ARHGAP15: variants seen among roughly 807,000 people sequenced by gnomAD.
ARHGAP15 encodes the protein Rho GTPase activating protein 15, also known as rho GTPase-activating protein 15.
Under a neutral mutation model 63.7 loss-of-function variants are expected in ARHGAP15, and 51 were observed. The ratio of observed to expected loss-of-function variants is 0.80; its 90% CI spans 0.64 to 1.01. ARHGAP15 has a LOEUF of 1.01. ARHGAP15 is among the 50% of genes least tolerant of loss of function. The pLI is 0.00. For missense variants in ARHGAP15, 560 were observed against 564.6 expected (o/e 0.99, Z 0.08); for synonymous variants, 191 against 193.8 (o/e 0.99, Z 0.12).
chr2:143,187,868 A>G (rs1234588512), intron 2 of ARHGAP15, among the ~76,000 whole-genome samples: 1 of 152,132 alleles, frequency 6.6e-6, no homozygotes, highest in Non-Finnish European at 1.5e-5. Flanking sequence ...TTGAAGAAAA[A>G]GTTTCTTTTT....
At chr2:143,702,944 C>T (rs1458139837) in intron 12 of ARHGAP15, among the ~76,000 whole-genome samples, 2 of 152,164 alleles carry the variant, frequency 1.3e-5, no homozygotes, top group East Asian at 1.9e-4. Context: ...TGCAAAGTCC[C>T]TTTTGCCATG....
chr2:143,436,818 A>G, intron 7 of ARHGAP15, 95 bp from the exon 8 acceptor site: 1 of 1,337,916 alleles, frequency 7.5e-7, no homozygotes. Flanking sequence ...CCTTACTTCA[A>G]ATTTCCCCAT....
intron 12 of ARHGAP15, among the ~76,000 whole-genome samples, chr2:143,659,133 A>G (rs1326028629): frequency 1.3e-5 from 2 of 152,170 alleles, no homozygotes; most frequent in Non-Finnish European, 2.9e-5. Context: ...CTACTCTTCC[A>G]TATATGTTCC....
At chr2:143,200,840 T>C (rs1692084232) in intron 2 of ARHGAP15, among the ~76,000 whole-genome samples, 1 of 152,092 alleles carries the variant, frequency 6.6e-6, no homozygotes. Flanking sequence ...AGAGACTTAA[T>C]AGAATGTTGA....
intron 2 of ARHGAP15, among the ~76,000 whole-genome samples, chr2:143,157,608 A>C (rs1186970074): frequency 1.3e-5 from 2 of 151,716 alleles, no homozygotes; most frequent in Non-Finnish European, 2.9e-5. Flanking sequence ...ATTATATAAA[A>C]GGGGTATTTT....
chr2:143,767,328 T>G (rs183744937), intron 13 of ARHGAP15, among the ~76,000 whole-genome samples: 22 of 152,332 alleles, frequency 1.4e-4, no homozygotes, highest in African/African-American at 4.1e-4. Flanking sequence ...CAGCTCTCCA[T>G]AGGGTCCTCA....
At chr2:143,680,095 T>C (rs1683033586) in intron 12 of ARHGAP15, among the ~76,000 whole-genome samples, 1 of 141,776 alleles carries the variant, frequency 7.1e-6, no homozygotes, top group Admixed American at 7.0e-5. Flanking sequence ...CATGGAGGAA[T>C]AGTTAAATCA....
intron 11 of ARHGAP15, among the ~76,000 whole-genome samples, chr2:143,609,424 C>G (rs1036231370): frequency 6.6e-6 from 1 of 152,120 alleles, no homozygotes; most frequent in African/African-American, 2.4e-5. Context: ...GTTCCTTTAA[C>G]ATAGAGAGCA....
chr2:143,359,340 T>C (rs1685943507), intron 6 of ARHGAP15, among the ~76,000 whole-genome samples: 1 of 152,180 alleles, frequency 6.6e-6, no homozygotes, highest in African/African-American at 2.4e-5. Context: ...ATGCTACCAA[T>C]ACCCTATTTG....
intron 6 of ARHGAP15, among the ~76,000 whole-genome samples, chr2:143,377,062 C>T (rs950348017): frequency 4.6e-5 from 7 of 151,992 alleles, no homozygotes; most frequent in African/African-American, 1.4e-4. Flanking sequence ...TTTTGGATTT[C>T]GTTTACAAAT....
chr2:143,434,442 G>T (rs953649652), intron 6 of ARHGAP15, among the ~76,000 whole-genome samples: 2 of 152,044 alleles, frequency 1.3e-5, no homozygotes, highest in African/African-American at 4.8e-5. Flanking sequence ...ATGTTGCCAT[G>T]AGAATCCTTG....
chr2:143,511,225 T>C (rs1309501384), intron 9 of ARHGAP15, among the ~76,000 whole-genome samples: 3 of 152,216 alleles, frequency 2.0e-5, no homozygotes, highest in Non-Finnish European at 2.9e-5. Flanking sequence ...AACAACATGA[T>C]TTATAAGGGC....
intron 12 of ARHGAP15, among the ~76,000 whole-genome samples, chr2:143,685,755 A>AGAT (rs540908696): frequency 8.5e-4 from 129 of 152,322 alleles, no homozygotes; most frequent in Non-Finnish European, 1.6e-3. Context: ...CCTGTGATAA[A>AGAT]GATGGCCATT....
At chr2:143,166,912 T>C (rs1265924369) in intron 2 of ARHGAP15, among the ~76,000 whole-genome samples, 2 of 152,132 alleles carry the variant, frequency 1.3e-5, no homozygotes, top group African/African-American at 4.8e-5. Context: ...GTTAGATTTA[T>C]AATGCCTCTT....
intron 9 of ARHGAP15, among the ~76,000 whole-genome samples, chr2:143,490,893 G>A (rs577088368): frequency 5.3e-5 from 8 of 152,224 alleles, no homozygotes; most frequent in Non-Finnish European, 7.3e-5. Context: ...CTCCCAAAGC[G>A]CTGGAATTAC....
chr2:143,352,971 A>G (rs983940393), intron 6 of ARHGAP15, among the ~76,000 whole-genome samples: 1 of 152,224 alleles, frequency 6.6e-6, no homozygotes, highest in Non-Finnish European at 1.5e-5. Context: ...TACTTTAATA[A>G]GTACATGAAA....
intron 6 of ARHGAP15, among the ~76,000 whole-genome samples, chr2:143,290,503 ATCT>A (rs1023277753): frequency 7.0e-4 from 106 of 152,294 alleles, no homozygotes; most frequent in African/African-American, 2.5e-3. Flanking sequence ...ATATTGCCAA[ATCT>A]TCTGGTCTTC....
Position 143,174,988 on chromosome 2 carries a change from CT to C in ARHGAP15, c.165+19338del, listed in dbSNP as rs764053232. 8.5e-5 allele frequency among the ~76,000 whole-genome samples: 13 copies of C among 152,228 alleles called. No homozygotes were observed. The East Asian group carries it at 2.5e-3, about 29-fold the overall frequency. The stretch of plus-strand genomic sequence containing the variant: ...TAAAAAAGTAACAACACTACAGAGA[CT>C]TTTTATATCCAAGTTTTAAATCAAC... On this transcript the variant is annotated intron_variant, in intron 2 of 13. Coordinates refer to ENST00000295095, the MANE Select transcript of ARHGAP15 (RefSeq NM_018460.4).
intron 13 of ARHGAP15, among the ~76,000 whole-genome samples, chr2:143,730,439 A>T (rs1280372694): frequency 6.6e-6 from 1 of 152,212 alleles, no homozygotes; most frequent in Non-Finnish European, 1.5e-5. Context: ...TAAAGACTGT[A>T]TACTATTCCG....
Sources: gnomAD v4.1 joint callset for allele counts (sites outside exome capture counted in the v4.1 genomes callset) on GRCh38, gnomAD v4.1.1 for gene constraint, MANE v1.5 for transcripts, NCBI Gene and HGNC (gene_info 2026-07-23, HGNC 2026-07-21) for gene names.